The following CTNND2 variants were observed in gnomAD, a reference collection of about 807,000 sequenced individuals.
The protein encoded by CTNND2 is catenin delta 2, also known as catenin delta-2.
A neutral mutation model predicts 144.4 loss-of-function variants in CTNND2; 22 were observed. That is an observed-to-expected ratio of 0.15 (90% CI 0.11 to 0.22). The LOEUF is 0.22. Ranked by LOEUF, CTNND2 falls within the 10% of genes least tolerant of loss-of-function variation. CTNND2 has a pLI of 1.00. For missense variants in CTNND2, 1,353 were observed against 1,618.8 expected, an observed-to-expected ratio of 0.84 and a Z score of 2.82; for synonymous variants, 751 against 695.6, an observed-to-expected ratio of 1.08 and a Z score of -1.25.
At chr5:11,798,612 C>G (rs1165187314) in intron 1 of CTNND2, among the ~76,000 whole-genome samples, 2 of 152,064 alleles carry the variant, frequency 1.3e-5, no homozygotes, top group East Asian at 3.9e-4. Flanking sequence ...ACTAAAAATA[C>G]AAATATTATC....
In CTNND2 at chr5:11,217,381, T is replaced by C. The variant is rs182429471; in HGVS notation, c.1762-17720A>G. Among the ~76,000 whole-genome samples the C allele has an allele frequency of 1.4e-4, 21 of 152,306 alleles. No homozygotes were observed. The East Asian group carries it at 3.7e-3, about 27-fold the overall frequency. On this transcript the variant is annotated intron_variant, in intron 10 of 21. Transcript: ENST00000304623. ...AAACCAGGGAGGAAGGAGGTGGCTTTTCAAAAGTGTTCTCCATCATCTTGT... is the reference window on the plus strand; with the variant it reads ...AAACCAGGGAGGAAGGAGGTGGCTTCTCAAAAGTGTTCTCCATCATCTTGT...
chr5:11,009,146 G>A (rs915347270), intron 18 of CTNND2, among the ~76,000 whole-genome samples: 9 of 152,292 alleles, frequency 5.9e-5, no homozygotes, highest in East Asian at 1.9e-4. Flanking sequence ...ATTCTGAGGC[G>A]GATGGCTGTG....
chr5:11,581,364 G>T (rs1356022850), intron 2 of CTNND2, among the ~76,000 whole-genome samples: 2 of 152,118 alleles, frequency 1.3e-5, no homozygotes, highest in African/African-American at 2.4e-5. Flanking sequence ...TCTATAGCTT[G>T]CTATGAAGAT....
chr5:11,370,044 G>A (rs772474091), intron 7 of CTNND2, among the ~76,000 whole-genome samples: 26 of 152,096 alleles, frequency 1.7e-4, no homozygotes, highest in Non-Finnish European at 3.5e-4. Context: ...ACGAATGAAA[G>A]GATTTTTTTA....
In CTNND2 at chr5:11,059,819, A is replaced by G. The variant is rs115389324; in HGVS notation, c.2788+22877T>C. 5.4e-3 allele frequency among the ~76,000 whole-genome samples: 817 copies of G among 152,350 alleles called. 9 individuals carry two copies. The highest frequency in any genetic ancestry group is 0.017 in the African/African-American group (714 of 41,580). On this transcript the variant is annotated intron_variant, in intron 16 of 21. Transcript: ENST00000304623. ...TTGAATGAAAAAAAGTATTCAATTTATAAGAAAAAGTATCACAGAAACTCT... is the reference window on the plus strand; with the variant it reads ...TTGAATGAAAAAAAGTATTCAATTTGTAAGAAAAAGTATCACAGAAACTCT...
chr5:11,674,571 T>C (rs1417772211), intron 2 of CTNND2, among the ~76,000 whole-genome samples: 3 of 152,262 alleles, frequency 2.0e-5, no homozygotes, highest in South Asian at 4.1e-4. Flanking sequence ...CTTGGTATTG[T>C]GCATTCTATG....
intron 1 of CTNND2, among the ~76,000 whole-genome samples, chr5:11,872,003 A>C (rs1301568759): frequency 6.6e-6 from 1 of 152,068 alleles, no homozygotes. Context: ...CATCTACATT[A>C]GGTATTTCTC....
chr5:11,071,288 A>G (rs970394624), intron 16 of CTNND2, among the ~76,000 whole-genome samples: 1 of 152,176 alleles, frequency 6.6e-6, no homozygotes, highest in Non-Finnish European at 1.5e-5. Context: ...CTGTAATCCC[A>G]GCACTCTGGG....
At chr5:11,418,675 T>C (rs1400870928) in intron 3 of CTNND2, among the ~76,000 whole-genome samples, 8 of 152,172 alleles carry the variant, frequency 5.3e-5, no homozygotes, top group Admixed American at 1.3e-4. Flanking sequence ...TCCACATCAA[T>C]TTGTAAGGAG....
intron 3 of CTNND2, among the ~76,000 whole-genome samples, chr5:11,519,846 TATCTC>T (rs563237339): frequency 5.7e-4 from 87 of 151,980 alleles, no homozygotes; most frequent in African/African-American, 2.1e-3. Context: ...CTGTTGAAAA[TATCTC>T]TATCTGGCCA....
chr5:11,875,714 G>C (rs1359893836), intron 1 of CTNND2, among the ~76,000 whole-genome samples: 1 of 152,166 alleles, frequency 6.6e-6, no homozygotes, highest in African/African-American at 2.4e-5. Context: ...GGACTTCCCG[G>C]CTTTCAGAAC....
At chr5:11,621,732 C>A (rs1780854297) in intron 2 of CTNND2, among the ~76,000 whole-genome samples, 1 of 152,072 alleles carries the variant, frequency 6.6e-6, no homozygotes. Flanking sequence ...AGCTTTACTC[C>A]CAACCTTTAG....
intron 3 of CTNND2, among the ~76,000 whole-genome samples, chr5:11,508,854 T>C (rs1329196076): frequency 6.6e-6 from 1 of 151,442 alleles, no homozygotes; most frequent in African/African-American, 2.4e-5. Context: ...GAGGTTGCGG[T>C]GAGCTGAGAT....
intron 1 of CTNND2, among the ~76,000 whole-genome samples, chr5:11,819,615 C>T (rs1793205210): frequency 6.6e-6 from 1 of 152,198 alleles, no homozygotes; most frequent in Non-Finnish European, 1.5e-5. Context: ...CTATTTTCCT[C>T]TCCTTTTGGG....
In CTNND2 at chr5:11,474,609, C is replaced by T. The variant is rs117987490; in HGVS notation, c.288-62540G>A. Reference sequence around the variant, plus strand: ...AGGGCACCAAGACAGAAGACACCAACGCAGGTGTCTCCTTAGGGATAGCAA... The same window carrying T: ...AGGGCACCAAGACAGAAGACACCAATGCAGGTGTCTCCTTAGGGATAGCAA... On this transcript the variant is annotated intron_variant, in intron 3 of 21. Transcript: ENST00000304623. Among the ~76,000 whole-genome samples the T allele has an allele frequency of 1.7e-3, 259 of 152,238 alleles. 2 individuals are homozygous for T. Among genetic ancestry groups the T allele is most frequent in the African/African-American group, 5.8e-3 (240 of 41,546 alleles).
intron 1 of CTNND2, among the ~76,000 whole-genome samples, chr5:11,792,168 C>T (rs1370803632): frequency 6.6e-6 from 1 of 152,020 alleles, no homozygotes; most frequent in South Asian, 2.1e-4. Flanking sequence ...TGAGAGAATG[C>T]CTGCCAAACC....
intron 1 of CTNND2, among the ~76,000 whole-genome samples, chr5:11,844,540 T>C (rs1192906452): frequency 6.6e-6 from 1 of 152,082 alleles, no homozygotes; most frequent in African/African-American, 2.4e-5. Context: ...ATTCTGAAAA[T>C]TGGAAAATAT....
intron 1 of CTNND2, among the ~76,000 whole-genome samples, chr5:11,898,212 G>T (rs1220523079): frequency 6.6e-6 from 1 of 152,216 alleles, no homozygotes; most frequent in African/African-American, 2.4e-5. Flanking sequence ...ATGCTGAGAT[G>T]GGGAGTGGGG....
At chr5:11,321,142 C>G (rs996641973) in intron 9 of CTNND2, among the ~76,000 whole-genome samples, 2 of 152,132 alleles carry the variant, frequency 1.3e-5, no homozygotes, top group East Asian at 3.9e-4. Context: ...GATCTACCAC[C>G]AAGCAAAAGA....
Sources: allele counts gnomAD v4.1 joint callset (sites outside exome capture counted in the v4.1 genomes callset), GRCh38; gene constraint gnomAD v4.1.1; transcripts MANE v1.5; gene names NCBI Gene and HGNC (gene_info 2026-07-23, HGNC 2026-07-21).